The following FSTL4 variants were observed in gnomAD, a reference collection of about 807,000 sequenced individuals.
FSTL4 encodes the protein follistatin like 4.
A neutral mutation model predicts 78.2 loss-of-function variants in FSTL4; 28 were observed. The observed-to-expected ratio is 0.36, with a 90% CI of 0.27 to 0.49. FSTL4 has a LOEUF of 0.49. FSTL4 is among the 20% of genes least tolerant of loss of function. The pLI is 0.98. For missense variants in FSTL4, 922 were observed against 1,084.9 expected (o/e 0.85, Z 2.11); for synonymous variants, 422 against 440.5 (o/e 0.96, Z 0.53).
At chr5:133,459,627 AACAG>A (rs1757555410) in intron 3 of FSTL4, among the ~76,000 whole-genome samples, 3 of 152,232 alleles carry the variant, frequency 2.0e-5, no homozygotes, top group African/African-American at 7.2e-5. Context: ...AGCAAAACCA[AACAG>A]ACAGTCCTTG....
intron 6 of FSTL4, among the ~76,000 whole-genome samples, chr5:133,278,477 T>C (rs566194644): frequency 1.3e-5 from 2 of 152,326 alleles, no homozygotes; most frequent in Non-Finnish European, 2.9e-5. Context: ...TTTCCCACGT[T>C]CTGTCAGGGC....
At chr5:133,729,515 C>A in the FSTL4 span, among the ~76,000 whole-genome samples, 47 of 152,220 alleles carry the variant, frequency 3.1e-4, no homozygotes, top group Admixed American at 7.2e-4. Flanking sequence ...TCCACATATA[C>A]TTTTTAAAAT....
chr5:133,285,530 A>T (rs1227951744), intron 6 of FSTL4, among the ~76,000 whole-genome samples: 4 of 152,158 alleles, frequency 2.6e-5, no homozygotes, highest in Admixed American at 2.6e-4. Flanking sequence ...GTAGGATCTG[A>T]ATTCTCACAT....
At chr5:133,559,465 C>G (rs965618606) in intron 3 of FSTL4, among the ~76,000 whole-genome samples, 3 of 152,182 alleles carry the variant, frequency 2.0e-5, no homozygotes, top group African/African-American at 7.2e-5. Flanking sequence ...GGAGCACCAT[C>G]ATCTCTCTCC....
chr5:133,355,333 T>C (rs1754918414), intron 4 of FSTL4, among the ~76,000 whole-genome samples: 1 of 152,204 alleles, frequency 6.6e-6, no homozygotes, highest in Non-Finnish European at 1.5e-5. Flanking sequence ...CACACTAAGC[T>C]CTAGCAGAAA....
chr5:133,693,122 C>T, the FSTL4 span, among the ~76,000 whole-genome samples: 1 of 152,232 alleles, frequency 6.6e-6, no homozygotes, highest in African/African-American at 2.4e-5. Context: ...ACTCCTGGCT[C>T]ACCCTTCTGG....
the FSTL4 span, among the ~76,000 whole-genome samples, chr5:133,666,043 T>C: frequency 2.6e-5 from 4 of 151,298 alleles, no homozygotes; most frequent in Non-Finnish European, 5.9e-5. Flanking sequence ...TTCAGGAAAG[T>C]CAAGAGTGGC....
At chr5:133,336,479 G>A (rs1754467656) in intron 4 of FSTL4, among the ~76,000 whole-genome samples, 1 of 152,212 alleles carries the variant, frequency 6.6e-6, no homozygotes, top group Non-Finnish European at 1.5e-5. Context: ...CCTGACCACA[G>A]CCGCCTCTGC....
At chr5:133,419,098 C>G (rs979055255) in intron 3 of FSTL4, among the ~76,000 whole-genome samples, 1 of 152,112 alleles carries the variant, frequency 6.6e-6, no homozygotes, top group African/African-American at 2.4e-5. Flanking sequence ...TAAAGTTTGC[C>G]ATGTGTCAAT....
At chr5:133,354,133 T>C (rs1754891484) in intron 4 of FSTL4, among the ~76,000 whole-genome samples, 1 of 151,982 alleles carries the variant, frequency 6.6e-6, no homozygotes, top group South Asian at 2.1e-4. Flanking sequence ...AACTGACCCC[T>C]ATTATACAGG....
the FSTL4 span, among the ~76,000 whole-genome samples, chr5:133,678,469 C>T: frequency 6.6e-6 from 1 of 152,048 alleles, no homozygotes; most frequent in Admixed American, 6.6e-5. Context: ...CAAGGGTAAT[C>T]CCAAGATTTT....
the FSTL4 span, among the ~76,000 whole-genome samples, chr5:133,816,990 C>A: frequency 2.4e-3 from 367 of 152,300 alleles, no homozygotes; most frequent in African/African-American, 8.4e-3. Flanking sequence ...TGGCTCCTTG[C>A]TGCCCACAGA....
intron 2 of FSTL4, among the ~76,000 whole-genome samples, chr5:133,576,418 A>G (rs1455231294): frequency 3.9e-5 from 6 of 152,206 alleles, no homozygotes; most frequent in African/African-American, 1.4e-4. Context: ...TGGGTTACGA[A>G]AGTGGGGGAT....
intron 3 of FSTL4, among the ~76,000 whole-genome samples, chr5:133,512,040 T>C (rs1282237278): frequency 2.0e-5 from 3 of 152,206 alleles, no homozygotes; most frequent in South Asian, 2.1e-4. Context: ...TTGCCCCTCA[T>C]GTAACCCACA....
the FSTL4 span, among the ~76,000 whole-genome samples, chr5:133,793,708 C>T: frequency 9.2e-5 from 14 of 152,320 alleles, no homozygotes; most frequent in South Asian, 2.9e-3. Flanking sequence ...CGCGGTCTCA[C>T]ATCTCGCGGC....
the FSTL4 span, among the ~76,000 whole-genome samples, chr5:133,806,079 G>A: frequency 6.6e-6 from 1 of 152,062 alleles, no homozygotes; most frequent in African/African-American, 2.4e-5. Context: ...CCAAAAATCT[G>A]TCAAACTCAT....
At chr5:133,371,573 GA>G (rs1436897815) in intron 4 of FSTL4, among the ~76,000 whole-genome samples, 1 of 152,212 alleles carries the variant, frequency 6.6e-6, no homozygotes, top group Non-Finnish European at 1.5e-5. Flanking sequence ...GCTCCCAGGG[GA>G]AAAGCCTCCA....
At chr5:133,647,907 G>A in the FSTL4 span, among the ~76,000 whole-genome samples, 1 of 152,142 alleles carries the variant, frequency 6.6e-6, no homozygotes, top group Non-Finnish European at 1.5e-5. Context: ...CCCAGTGGGA[G>A]GTAATTGAAT....
intron 3 of FSTL4, among the ~76,000 whole-genome samples, chr5:133,561,582 G>A (rs1305168656): frequency 6.6e-6 from 1 of 152,160 alleles, no homozygotes; most frequent in Non-Finnish European, 1.5e-5. Context: ...CAATGTGCCA[G>A]GAGAAGGAAG....
Sources: gnomAD v4.1 joint callset for allele counts (sites outside exome capture counted in the v4.1 genomes callset) on GRCh38, gnomAD v4.1.1 for gene constraint, MANE v1.5 for transcripts, NCBI Gene and HGNC (gene_info 2026-07-23, HGNC 2026-07-21) for gene names.